The following GPHN variants were observed in gnomAD, a reference collection of about 807,000 sequenced individuals.
GPHN encodes the protein gephyrin.
GPHN carries 17 observed loss-of-function variants against 95.5 expected under a neutral mutation model. That is an observed-to-expected ratio of 0.18 (90% confidence interval 0.12 to 0.27). The LOEUF (loss-of-function observed/expected upper bound fraction) is 0.27. GPHN is among the 10% of genes least tolerant of loss of function. The pLI is 1.00. For synonymous variants in GPHN, 320 were observed against 322.5 expected (o/e 0.99, Z 0.08); for missense variants, 660 against 978.1 (o/e 0.67, Z 4.34).
chr14:67,426,089 A>G, the GPHN span, among the ~76,000 whole-genome samples: 3 of 151,984 alleles, frequency 2.0e-5, no homozygotes, highest in Non-Finnish European at 4.4e-5. Context: ...GAAACAAAAC[A>G]TCTCTGAGTG....
At chr14:66,752,407 C>T (rs1261854447) in intron 2 of GPHN, among the ~76,000 whole-genome samples, 3 of 152,106 alleles carry the variant, frequency 2.0e-5, no homozygotes, top group Admixed American at 6.6e-5. Flanking sequence ...AGATATGTGA[C>T]TCTTCCTTTC....
chr14:67,534,880 T>C, the GPHN span, among the ~76,000 whole-genome samples: 9 of 152,216 alleles, frequency 5.9e-5, no homozygotes, highest in Admixed American at 1.3e-4. Context: ...CCTTCAGATA[T>C]ACTCTGATGT....
chr14:67,579,760 C>CT, the GPHN span: 2 of 1,612,890 alleles, frequency 1.2e-6, no homozygotes, highest in Non-Finnish European at 1.7e-6. Context: ...TGATGAGTTC[C>CT]TCCAGCGGCT....
intron 11 of GPHN, among the ~76,000 whole-genome samples, chr14:67,064,614 C>T (rs1019853223): frequency 2.6e-5 from 4 of 151,920 alleles, no homozygotes; most frequent in African/African-American, 4.8e-5. Context: ...TTTCAGAGCC[C>T]ATTATTGGTC....
At chr14:67,480,808 C>T in the GPHN span, among the ~76,000 whole-genome samples, 1 of 152,198 alleles carries the variant, frequency 6.6e-6, no homozygotes, top group African/African-American at 2.4e-5. Flanking sequence ...AAACCCTGCT[C>T]TTCTTGCCTC....
intron 1 of GPHN, among the ~76,000 whole-genome samples, chr14:66,510,347 A>C (rs935942693): frequency 6.6e-6 from 1 of 152,252 alleles, no homozygotes; most frequent in Non-Finnish European, 1.5e-5. Flanking sequence ...TAAACCGTAG[A>C]AACATTTTTA....
At position 66,655,661 on chromosome 14, in the gene GPHN, C is replaced by CTT. The variant is rs553551938; in HGVS notation, c.65-25436_65-25435dup. 2.5e-3 allele frequency among the ~76,000 whole-genome samples: 360 copies of CTT among 145,826 alleles called. 4 individuals carry two copies. The highest frequency in any genetic ancestry group is 8.5e-3 in the African/African-American group (339 of 40,012). On this transcript the variant is annotated intron_variant, in intron 1 of 22. Transcript: ENST00000478722. ...GAATAAGAGTAGTGAGAGCATATAT[C>CTT]TTTTTTTTTTTGTTCCTGGTCTTTG...
At chr14:67,713,728 T>C in the GPHN span, among the ~76,000 whole-genome samples, 3 of 152,250 alleles carry the variant, frequency 2.0e-5, no homozygotes, top group Admixed American at 1.3e-4. Context: ...CAGGAGGTCC[T>C]GACGACATGT....
intron 3 of GPHN, among the ~76,000 whole-genome samples, chr14:66,797,021 C>CTTTTTTTTTTTTTTTTTTTTTTTTTTTTT (rs369681377): frequency 6.2e-5 from 5 of 81,226 alleles, no homozygotes; most frequent in African/African-American, 1.9e-4. Context: ...TATCTAGTTC[C>CTTTTTTTTTTTTTTTTTTTTTTTTTTTTT]TTTTTTTTTT....
intron 11 of GPHN, among the ~76,000 whole-genome samples, chr14:67,083,705 C>T (rs902264870): frequency 2.6e-5 from 4 of 151,954 alleles, no homozygotes; most frequent in Admixed American, 6.6e-5. Context: ...ATATAGATAA[C>T]GGATGTAGAC....
At chr14:67,649,844 A>G in the GPHN span, 7 of 152,318 alleles carry the variant, frequency 4.6e-5, no homozygotes, top group African/African-American at 1.7e-4. Flanking sequence ...CCTGAATACT[A>G]GCTTGTTCAG....
intron 1 of GPHN, among the ~76,000 whole-genome samples, chr14:66,583,574 GA>G (rs2061290851): frequency 6.6e-6 from 1 of 152,122 alleles, no homozygotes. Context: ...AAGGTGTAAG[GA>G]AGGGATCCAG....
In GPHN at chr14:66,809,401, G is replaced by A. The variant is rs1332801512; in HGVS notation, c.202-15073G>A. Reference sequence around the variant, plus strand: ...TAATAAAACCTACTATTGTCATTACGAATATTAAATGTTTGTAAAGTACTT... The same window carrying A: ...TAATAAAACCTACTATTGTCATTACAAATATTAAATGTTTGTAAAGTACTT... On this transcript the variant is annotated intron_variant, in intron 3 of 22. Transcript: ENST00000478722. Among the ~76,000 whole-genome samples, 5 of 152,058 alleles carry A rather than the reference G, an allele frequency of 3.3e-5. No homozygotes were observed. The South Asian group carries it at 8.3e-4, about 25-fold the overall frequency.
chr14:67,689,824 G>C, the GPHN span, among the ~76,000 whole-genome samples: 8 of 151,996 alleles, frequency 5.3e-5, no homozygotes, highest in Non-Finnish European at 1.0e-4. Flanking sequence ...CGCACCTGTA[G>C]TCCCAGCTAC....
chr14:67,192,926 A>G, the GPHN span, among the ~76,000 whole-genome samples: 2 of 146,898 alleles, frequency 1.4e-5, no homozygotes, highest in African/African-American at 4.9e-5. Context: ...ATATATGTAT[A>G]TATAGATATC....
the GPHN span, chr14:67,651,264 C>CTA: frequency 1.3e-6 from 2 of 1,572,884 alleles, no homozygotes; most frequent in Non-Finnish European, 1.7e-6. Flanking sequence ...CACAGCCTGG[C>CTA]TATACAGTGC....
At chr14:66,899,240 G>A (rs2065015820) in intron 5 of GPHN, among the ~76,000 whole-genome samples, 1 of 150,528 alleles carries the variant, frequency 6.6e-6, no homozygotes, top group Non-Finnish European at 1.5e-5. Context: ...CATTCTTTGT[G>A]ATTTATATGC....
chr14:66,989,489 G>C (rs556284524), intron 9 of GPHN, among the ~76,000 whole-genome samples: 1 of 151,734 alleles, frequency 6.6e-6, no homozygotes, highest in South Asian at 2.1e-4. Flanking sequence ...TAAAAATTAG[G>C]TTATCTCATG....
chr14:66,994,963 C>T (rs1370309116), intron 9 of GPHN, among the ~76,000 whole-genome samples: 1 of 152,124 alleles, frequency 6.6e-6, no homozygotes, highest in Non-Finnish European at 1.5e-5. Context: ...ATATATTGAG[C>T]ACCTACTACA....
Sources: gnomAD v4.1 joint callset for allele counts (sites outside exome capture counted in the v4.1 genomes callset) on GRCh38, gnomAD v4.1.1 for gene constraint, MANE v1.5 for transcripts, NCBI Gene and HGNC (gene_info 2026-07-23, HGNC 2026-07-21) for gene names.